Variants in TENM3 observed in about 807,000 individuals in gnomAD.
TENM3 encodes the protein teneurin transmembrane protein 3.
Under a neutral mutation model 255.1 loss-of-function variants are expected in TENM3, and 63 were observed. That is an observed-to-expected ratio of 0.25 (90% CI 0.20 to 0.30). The LOEUF (loss-of-function observed/expected upper bound fraction) is 0.30. Among genes scored for constraint, TENM3 ranks in the 10% least tolerant of loss-of-function variants. The pLI is 1.00. For missense variants in TENM3, 2,929 were observed against 3,461.1 expected, an observed-to-expected ratio of 0.85 and a Z score of 3.86; for synonymous variants, 1,306 against 1,322.3, an observed-to-expected ratio of 0.99 and a Z score of 0.27.
the TENM3 span, among the ~76,000 whole-genome samples, chr4:181,681,717 A>G: frequency 6.6e-6 from 1 of 151,558 alleles, no homozygotes; most frequent in Non-Finnish European, 1.5e-5. Flanking sequence ...TGAAATTCAC[A>G]GGCAAAATTT....
intron 3 of TENM3, among the ~76,000 whole-genome samples, chr4:182,475,326 T>G (rs1733573306): frequency 6.6e-6 from 1 of 152,210 alleles, no homozygotes; most frequent in African/African-American, 2.4e-5. Flanking sequence ...GATTATCAAA[T>G]TATGTAAATA....
chr4:182,604,040 T>A (rs1748169750), intron 4 of TENM3, among the ~76,000 whole-genome samples: 1 of 152,190 alleles, frequency 6.6e-6, no homozygotes, highest in Admixed American at 6.5e-5. Context: ...AAAAGGATTT[T>A]CTACTTTGTC....
the TENM3 span, among the ~76,000 whole-genome samples, chr4:181,808,738 C>A: frequency 2.8e-4 from 43 of 152,180 alleles, no homozygotes; most frequent in Non-Finnish European, 2.6e-4. Context: ...TGAAAACACA[C>A]GTGGGTTGGC....
the TENM3 span, among the ~76,000 whole-genome samples, chr4:181,762,613 A>T: frequency 6.6e-6 from 1 of 152,164 alleles, no homozygotes; most frequent in East Asian, 1.9e-4. Flanking sequence ...CAGCTTCCTC[A>T]ACTCTTGGGT....
the TENM3 span, among the ~76,000 whole-genome samples, chr4:181,550,565 CT>C: frequency 2.0e-5 from 3 of 152,098 alleles, no homozygotes; most frequent in Non-Finnish European, 4.4e-5. Context: ...CACTGATGCA[CT>C]GATATATCCT....
intron 3 of TENM3, among the ~76,000 whole-genome samples, chr4:182,535,751 AAAC>A (rs1740239315): frequency 6.6e-6 from 1 of 151,990 alleles, no homozygotes; most frequent in African/African-American, 2.4e-5. Flanking sequence ...AAAAAAAAAA[AAAC>A]ACAGAATTTT....
chr4:182,386,827 C>G (rs1767971982), intron 3 of TENM3, among the ~76,000 whole-genome samples: 1 of 152,246 alleles, frequency 6.6e-6, no homozygotes, highest in African/African-American at 2.4e-5. Context: ...ATGCCTGAGC[C>G]TTCCCCCGCC....
At chr4:182,196,304 A>G (rs1753830611) in intron 1 of TENM3, among the ~76,000 whole-genome samples, 1 of 152,104 alleles carries the variant, frequency 6.6e-6, no homozygotes. Context: ...CCTAGATGTA[A>G]CATTCAGATG....
At chr4:182,742,111 G>A (rs1761650145) in intron 18 of TENM3, among the ~76,000 whole-genome samples, 1 of 152,216 alleles carries the variant, frequency 6.6e-6, no homozygotes, top group Non-Finnish European at 1.5e-5. Context: ...AACACATTGA[G>A]AAGTGTCATA....
the TENM3 span, among the ~76,000 whole-genome samples, chr4:181,965,722 G>A: frequency 2.0e-5 from 3 of 152,304 alleles, no homozygotes; most frequent in African/African-American, 7.2e-5. Context: ...TTTTTCTCCT[G>A]TGTCTCCTGT....
chr4:181,689,167 C>A, the TENM3 span, among the ~76,000 whole-genome samples: 2 of 152,176 alleles, frequency 1.3e-5, no homozygotes, highest in African/African-American at 4.8e-5. Context: ...CCTGGATGGC[C>A]AATACCTATA....
the TENM3 span, among the ~76,000 whole-genome samples, chr4:182,036,406 G>A: frequency 2.6e-5 from 4 of 152,082 alleles, no homozygotes; most frequent in Non-Finnish European, 5.9e-5. Flanking sequence ...GGCCAGGCTG[G>A]TCTGGAACTC....
chr4:182,533,270 G>A (rs1277807191), intron 3 of TENM3, among the ~76,000 whole-genome samples: 1 of 152,024 alleles, frequency 6.6e-6, no homozygotes, highest in African/African-American at 2.4e-5. Context: ...TACATCTTTT[G>A]CTGGGCACGG....
At chr4:182,402,721 A>G (rs1056838086) in intron 3 of TENM3, among the ~76,000 whole-genome samples, 1 of 152,186 alleles carries the variant, frequency 6.6e-6, no homozygotes, top group African/African-American at 2.4e-5. Flanking sequence ...TACAATGTGA[A>G]CAAAGAGATG....
intron 1 of TENM3, among the ~76,000 whole-genome samples, chr4:182,193,234 G>A (rs1753630720): frequency 6.6e-6 from 1 of 152,176 alleles, no homozygotes; most frequent in East Asian, 1.9e-4. Flanking sequence ...TATGTCACGA[G>A]TATAAAAATG....
the TENM3 span, among the ~76,000 whole-genome samples, chr4:181,707,187 T>C: frequency 3.3e-5 from 5 of 152,166 alleles, no homozygotes; most frequent in Non-Finnish European, 7.3e-5. Context: ...CAAAATCAGG[T>C]TACCTGGAAA....
rs1766812212 is a variant in TENM3, at chr4:182,800,028, T to A, written c.7777T>A (p.Phe2593Ile). 1 of 1,596,832 alleles carries A rather than the reference T, an allele frequency of 6.3e-7. No homozygotes were observed. Among genetic ancestry groups the A allele is most frequent in the Non-Finnish European group, 8.5e-7 (1 of 1,172,880 alleles). Residue 2593 changes from phenylalanine (F) to isoleucine (I), a missense_variant, in exon 28 of 28, where the codon TTC becomes ATC. Around this residue, in one of 6 missense-constraint regions of TENM3, gnomAD observed 476 missense variants for 480.1 expected, o/e 0.99. Coordinates refer to ENST00000511685, the MANE Select transcript of TENM3 (RefSeq NM_001080477.4). Reference protein sequence around the residue: ...TTVVNGRTRRFADVEMQFGAL... With the variant: ...TTVVNGRTRRIADVEMQFGAL... ...GGTGGTGAACGGCAGGACGCGCAGG[T>A]TCGCGGACGTGGAGATGCAGTTCGG...
intron 3 of TENM3, among the ~76,000 whole-genome samples, chr4:182,474,270 A>T (rs1733445120): frequency 6.6e-6 from 1 of 152,186 alleles, no homozygotes; most frequent in Admixed American, 6.5e-5. Context: ...GTACATTTTT[A>T]TGTATGATCA....
chr4:182,294,619 T>C (rs1397299703), intron 1 of TENM3, among the ~76,000 whole-genome samples: 4 of 152,152 alleles, frequency 2.6e-5, no homozygotes, highest in Non-Finnish European at 4.4e-5. Context: ...GCCTGTGAGC[T>C]AGAAGTGAAA....
Sources: gnomAD v4.1 joint callset for allele counts (sites outside exome capture counted in the v4.1 genomes callset) on GRCh38, gnomAD v4.1.1 for gene constraint, gnomAD v4.1.1 regional missense constraint, MANE v1.5 for transcripts, NCBI Gene and HGNC (gene_info 2026-07-23, HGNC 2026-07-21) for gene names.